The following CCAR1 variants were observed in gnomAD, a reference collection of about 807,000 sequenced individuals.
The protein encoded by CCAR1 is cell division cycle and apoptosis regulator 1.
CCAR1 carries 78 observed loss-of-function variants against 163.8 expected under a neutral mutation model. That is an observed-to-expected ratio of 0.48 (90% CI 0.40 to 0.57). The LOEUF is 0.57. CCAR1 is among the 20% of genes least tolerant of loss of function. CCAR1 has a pLI of 0.00. For missense variants in CCAR1, 1,019 were observed against 1,365.2 expected (o/e 0.75, Z 4.00); for synonymous variants, 443 against 460.7 (o/e 0.96, Z 0.49).
Position 68,749,139 on chromosome 10 carries a change from G to C in CCAR1, c.830G>C (p.Gly277Ala). 2 of 1,613,800 alleles carry C rather than the reference G, an allele frequency of 1.2e-6. No homozygotes were observed. The highest frequency in any genetic ancestry group is 1.6e-4 in the Middle Eastern group (1 of 6,062). ...PLLQQPQQKA[G>A]LLQPPVRIVS... ...TTTTTTCTTTTATCTTTTAAAGCTGGTTTATTGCAGCCTCCTGTTCGTATA... is the reference window on the plus strand; with the variant it reads ...TTTTTTCTTTTATCTTTTAAAGCTGCTTTATTGCAGCCTCCTGTTCGTATA... The change falls in exon 9 of 25, where the codon GGT becomes GCT. Residue 277 changes from glycine to alanine, a missense_variant. This residue lies in a region of CCAR1 where 644 missense variants were observed against 904.4 expected (regional missense o/e 0.71). Coordinates refer to ENST00000265872, the MANE Select transcript of CCAR1 (RefSeq NM_018237.4).
At chr10:68,770,156 T>G (rs1004517051) in intron 17 of CCAR1, among the ~76,000 whole-genome samples, 8 of 152,138 alleles carry the variant, frequency 5.3e-5, no homozygotes, top group Non-Finnish European at 1.2e-4. Context: ...GGCCTTGTCT[T>G]ACTATTCTCT....
chr10:68,770,310 C>T (rs1365679665), intron 17 of CCAR1, among the ~76,000 whole-genome samples: 1 of 152,204 alleles, frequency 6.6e-6, no homozygotes, highest in Non-Finnish European at 1.5e-5. Context: ...ATTCTCTCCA[C>T]TAGCTGGATG....
In CCAR1 at chr10:68,786,243, T is replaced by C. The variant is rs746646625; in HGVS notation, c.2733+25T>C. The C allele has an allele frequency of 2.1e-6, 3 of 1,426,760 alleles. No homozygotes were observed. In the African/African-American group the frequency reaches 4.2e-5, roughly 20 times the overall value. 88.4% of individuals were successfully genotyped at this position (1,426,760 alleles called of 1,614,324 possible). A position where few individuals can be genotyped will look rare whatever the true frequency, so the allele number is the denominator to read the frequency against. On this transcript the variant is annotated intron_variant, in intron 20 of 24. Transcript: ENST00000265872. The stretch of plus-strand genomic sequence containing the variant: ...GGTGTTTATTGAATACTGTATTCTT[T>C]ATAATATGGTGATATCTTACATCAT...
chr10:68,749,473 C>T (rs1225840774), intron 9 of CCAR1, 51 bp from the exon 10 acceptor site: 1 of 1,479,352 alleles, frequency 6.8e-7, no homozygotes, highest in Non-Finnish European at 9.2e-7. Context: ...CATTGAAGAG[C>T]TTTTCCATAA....
chr10:68,784,337 T>C (rs928923793), intron 19 of CCAR1, among the ~76,000 whole-genome samples: 1 of 151,984 alleles, frequency 6.6e-6, no homozygotes, highest in Admixed American at 6.6e-5. Context: ...AGCCTCAGCC[T>C]CCTGAGTATC....
At chr10:68,738,775 A>C (rs540871419) in intron 4 of CCAR1, among the ~76,000 whole-genome samples, 1 of 151,950 alleles carries the variant, frequency 6.6e-6, no homozygotes, top group Non-Finnish European at 1.5e-5. Flanking sequence ...GGTGAGGCAC[A>C]GTGGTTCACG....
intron 20 of CCAR1, 87 bp downstream of exon 20, chr10:68,786,305 A>T (rs2056794652): frequency 1.0e-6 from 1 of 959,164 alleles, no homozygotes; most frequent in Admixed American, 2.5e-5. Flanking sequence ...ATTAGTCCTT[A>T]TACATCTTTA....
intron 17 of CCAR1, among the ~76,000 whole-genome samples, chr10:68,768,175 T>C (rs1218313878): frequency 6.6e-6 from 1 of 152,218 alleles, no homozygotes; most frequent in Non-Finnish European, 1.5e-5. Flanking sequence ...AAACATAAAG[T>C]CCATGCTTAT....
In CCAR1 at chr10:68,788,183, A is replaced by G. The variant is rs146609391; in HGVS notation, c.3042A>G (p.Glu1014=). The G allele has an allele frequency of 1.5e-4, 239 of 1,592,754 alleles. No homozygotes were observed. Among genetic ancestry groups the G allele is most frequent in the Admixed American group, 2.0e-4 (11 of 55,058 alleles). The change falls in exon 23 of 25, where the codon GAA becomes GAG. Residue 1014 remains glutamate, a synonymous_variant. Coordinates refer to ENST00000265872, the MANE Select transcript of CCAR1 (RefSeq NM_018237.4). ...TTCCAACACCAACAGTAAAGCAGGA[A>G]TCAAAGGATGTGGAAGAAAATGTTG... ...LLLPTPTVKQ[E]SKDVEENVGL...
intron 10 of CCAR1, 57 bp downstream of exon 10, chr10:68,749,742 G>A: frequency 1.4e-6 from 2 of 1,433,906 alleles, no homozygotes; most frequent in Non-Finnish European, 1.9e-6. Context: ...TAATTTGATA[G>A]AATATGTCAC....
chr10:68,748,639 G>A lies in CCAR1; in HGVS notation c.827-497G>A, dbSNP rs559671968. Reference sequence around the variant, plus strand: ...TGAGTAGCTGGGACTACAGGTGCGCGCCACCCCGCCAGCCTAATTTTTGTA... The same window carrying A: ...TGAGTAGCTGGGACTACAGGTGCGCACCACCCCGCCAGCCTAATTTTTGTA... On this transcript the variant is annotated intron_variant, in intron 8 of 24. Transcript: ENST00000265872. 2.7e-4 allele frequency among the ~76,000 whole-genome samples: 41 copies of A among 151,870 alleles called. No homozygotes were observed. The South Asian group carries it at 7.7e-3, about 29-fold the overall frequency.
intron 4 of CCAR1, 137 bp from the exon 5 acceptor site, chr10:68,740,488 TAGTG>T (rs2133330787): frequency 5.9e-6 from 4 of 680,820 alleles, no homozygotes; most frequent in East Asian, 5.7e-5. Flanking sequence ...CTGGGCAACA[TAGTG>T]AGACCTCGTT....
chr10:68,747,381 C>T lies in CCAR1; in HGVS notation c.641C>T (p.Ser214Leu). 1 of 1,611,592 alleles carries T rather than the reference C, an allele frequency of 6.2e-7. No individual in the cohort carries two copies. The highest frequency in any genetic ancestry group is 8.5e-7 in the Non-Finnish European group (1 of 1,179,156). ...RIQTLPNQNQ[S>L]QTQPLLKTPP... ...TTCATTTTTTAATTGAAGAATCAGT[C>T]GCAAACCCAGCCATTACTGAAGACT... is the stretch of plus-strand genomic sequence containing the variant. The change falls in exon 8 of 25, where the codon TCG (serine) becomes TTG (leucine). Residue 214 changes from serine to leucine, a missense_variant. Coordinates refer to ENST00000265872, the MANE Select transcript of CCAR1 (RefSeq NM_018237.4).
chr10:68,748,485 CTTT>C (rs768641201), intron 8 of CCAR1, among the ~76,000 whole-genome samples: 1,546 of 117,754 alleles, frequency 0.013, 18 homozygotes, highest in African/African-American at 0.045. Context: ...GTGACATGTT[CTTT>C]TTTTTTTTTT....
chr10:68,773,013 C>G lies in CCAR1; in HGVS notation c.2564C>G (p.Ser855Cys), dbSNP rs978761399. 6.7e-7 allele frequency: 1 copy of G among 1,489,858 alleles called. No homozygotes were observed. The highest frequency in any genetic ancestry group is 1.9e-5 in the Admixed American group (1 of 52,752). The allele number at this position is 1,489,858 out of a possible 1,614,324, so 92.3% of individuals were successfully genotyped here. The change falls in exon 19 of 25, where the codon TCT (serine) becomes TGT (cysteine). Residue 855 changes from serine (S) to cysteine (C), a missense_variant. Ser to Cys is a moderately radical substitution (Grantham distance 112). This residue lies in a region of CCAR1 where 358 missense variants were observed against 406.4 expected (regional missense o/e 0.88). Transcript: ENST00000265872. ...RKKEDKRKDDSKDDDETEEDN... is the reference protein window; with the variant it reads ...RKKEDKRKDDCKDDDETEEDN... ...AAAGAAGATAAAAGAAAAGATGATT[C>G]TAAAGATGATGATGAAACTGAAGAA... is the stretch of plus-strand genomic sequence containing the variant.
chr10:68,731,509 C>T lies in CCAR1; in HGVS notation c.74-5367C>T, dbSNP rs185379615. ...AGTACCTGGTAGTGTGAAGCAACTA[C>T]TCTACTGCAATGTAAATTATCTTCC... On this transcript the variant is annotated intron_variant, in intron 2 of 24. Coordinates refer to ENST00000265872, the MANE Select transcript of CCAR1 (RefSeq NM_018237.4). Among the ~76,000 whole-genome samples, 335 of 151,756 alleles carry T rather than the reference C, an allele frequency of 2.2e-3. 2 individuals carry two copies. The highest frequency in any genetic ancestry group is 7.7e-3 in the African/African-American group (317 of 41,418).
intron 19 of CCAR1, among the ~76,000 whole-genome samples, chr10:68,785,594 G>C (rs1266996343): frequency 2.6e-5 from 4 of 152,050 alleles, no homozygotes; most frequent in Admixed American, 2.6e-4. Context: ...TGCTTTATTG[G>C]GGTGGTCTTG....
At chr10:68,746,262 C>T (rs531523475) in intron 6 of CCAR1, among the ~76,000 whole-genome samples, 2 of 148,086 alleles carry the variant, frequency 1.4e-5, no homozygotes, top group East Asian at 2.1e-4. Context: ...TGAGCCACCG[C>T]GCCCAGCCTC....
chr10:68,735,525 C>T (rs2056097714), intron 2 of CCAR1, among the ~76,000 whole-genome samples: 1 of 152,018 alleles, frequency 6.6e-6, no homozygotes, highest in Non-Finnish European at 1.5e-5. Flanking sequence ...CTATCTCAGC[C>T]CCCTGAGTAG....
Sources: gnomAD v4.1 joint callset for allele counts (sites outside exome capture counted in the v4.1 genomes callset) on GRCh38, gnomAD v4.1.1 for gene constraint, gnomAD v4.1.1 regional missense constraint, MANE v1.5 for transcripts, NCBI Gene and HGNC (gene_info 2026-07-23, HGNC 2026-07-21) for gene names.